FHOD3: variants seen among roughly 807,000 people sequenced by gnomAD.
FHOD3 encodes FH1/FH2 domain-containing protein 3.
Under a neutral mutation model 173.0 loss-of-function variants are expected in FHOD3, and 90 were observed. The observed-to-expected ratio is 0.52, with a 90% CI of 0.44 to 0.62. The LOEUF (loss-of-function observed/expected upper bound fraction) is 0.62, where lower values mean the gene tolerates loss of function less well. FHOD3 is among the 20% of genes least tolerant of loss of function. FHOD3 has a pLI of 0.00. For missense variants in FHOD3, 1,945 were observed against 2,034.7 expected, an observed-to-expected ratio of 0.96 and a Z score of 0.85; for synonymous variants, 828 against 823.0, an observed-to-expected ratio of 1.01 and a Z score of -0.10.
At chr18:36,758,521 G>A (rs2042728544) in intron 25 of FHOD3, among the ~76,000 whole-genome samples, 1 of 152,228 alleles carries the variant, frequency 6.6e-6, no homozygotes. Context: ...TGAGGAGAGA[G>A]TAATGTGAAC....
intron 8 of FHOD3, among the ~76,000 whole-genome samples, chr18:36,605,252 A>C (rs946712349): frequency 6.6e-6 from 1 of 152,216 alleles, no homozygotes; most frequent in Non-Finnish European, 1.5e-5. Flanking sequence ...GAATTTTCAC[A>C]CTGCCACAGT....
intron 20 of FHOD3, among the ~76,000 whole-genome samples, chr18:36,731,788 G>A (rs2041374737): frequency 6.6e-6 from 1 of 152,220 alleles, no homozygotes; most frequent in Non-Finnish European, 1.5e-5. Context: ...GAATGGGAGG[G>A]AGCAGTGGGC....
In FHOD3 at chr18:36,761,761, T is replaced by A. The variant is rs2042890778; in HGVS notation, c.4624+979T>A. 1.3e-5 allele frequency among the ~76,000 whole-genome samples: 2 copies of A among 152,198 alleles called. 1 individual carries two copies. The highest frequency in any genetic ancestry group is 6.8e-3 in the Middle Eastern group (2 of 294). On this transcript the variant is annotated intron_variant, in intron 27 of 28. Transcript: ENST00000590592. The stretch of plus-strand genomic sequence containing the variant: ...ATGGTCAACTTTAAGGAGAATCAAC[T>A]GTTGGAGACAGGCTTTCTTCTCTCG...
chr18:36,521,986 T>C (rs901824797), intron 5 of FHOD3, among the ~76,000 whole-genome samples: 1 of 152,228 alleles, frequency 6.6e-6, no homozygotes, highest in Non-Finnish European at 1.5e-5. Flanking sequence ...ATCCTTAGAT[T>C]GGAGTTCAGA....
chr18:36,380,572 C>CTT (rs1305461976), intron 3 of FHOD3, among the ~76,000 whole-genome samples: 2 of 119,014 alleles, frequency 1.7e-5, no homozygotes, highest in African/African-American at 6.4e-5. Context: ...CTTTTCTTTT[C>CTT]TTTTCTTTTC....
At position 36,760,771 on chromosome 18, in the gene FHOD3, G is replaced by A. The variant is rs1412269450; in HGVS notation, c.4613G>A (p.Arg1538Gln). 2.5e-6 allele frequency: 4 copies of A among 1,608,964 alleles called. No individual in the cohort carries two copies. The highest frequency in any genetic ancestry group is 2.5e-6 in the Non-Finnish European group (3 of 1,178,420). The stretch of plus-strand genomic sequence containing the variant: ...GCGCTGGGCGTCCGCACACGCAGCC[G>A]AGCAAGCCGAGGTAACTCCTGGCTG... Reference protein sequence around the residue: ...TPALGVRTRSRASRGSTSSWT... With the variant: ...TPALGVRTRSQASRGSTSSWT... The change falls in exon 27 of 29, where the codon CGA (arginine) becomes CAA (glutamine). Residue 1538 changes from arginine (R) to glutamine (Q), a missense_variant. By Grantham distance (43) the Arg-to-Gln change is conservative. Transcript: ENST00000590592.
intron 19 of FHOD3, among the ~76,000 whole-genome samples, chr18:36,723,129 G>A (rs990716314): frequency 2.0e-5 from 3 of 152,188 alleles, no homozygotes; most frequent in Non-Finnish European, 4.4e-5. Context: ...AGGGCATGGA[G>A]ACTCCCTTCC....
chr18:36,471,123 G>A (rs987020557), intron 3 of FHOD3, among the ~76,000 whole-genome samples: 10 of 152,308 alleles, frequency 6.6e-5, no homozygotes, highest in East Asian at 5.8e-4. Context: ...GCGGGTATGC[G>A]CTTTGGAGAG....
intron 3 of FHOD3, among the ~76,000 whole-genome samples, chr18:36,411,523 T>G (rs906307919): frequency 3.9e-5 from 6 of 152,218 alleles, no homozygotes; most frequent in African/African-American, 1.4e-4. Context: ...TCTAAACACC[T>G]TTTTGTTCCT....
intron 3 of FHOD3, among the ~76,000 whole-genome samples, chr18:36,403,605 A>G (rs986678799): frequency 1.3e-5 from 2 of 152,244 alleles, no homozygotes; most frequent in Non-Finnish European, 2.9e-5. Flanking sequence ...TCATAAAAAC[A>G]CTGGAGATTT....
chr18:36,551,173 G>T (rs1367198595), intron 5 of FHOD3, among the ~76,000 whole-genome samples: 1 of 152,076 alleles, frequency 6.6e-6, no homozygotes, highest in East Asian at 1.9e-4. Context: ...ATCATTTTTT[G>T]TTTGTTGATA....
chr18:36,473,432 C>T (rs1306989404), intron 3 of FHOD3, among the ~76,000 whole-genome samples: 1 of 152,146 alleles, frequency 6.6e-6, no homozygotes, highest in Admixed American at 6.6e-5. Context: ...AAACGAAATG[C>T]AGCACCTGAG....
intron 10 of FHOD3, among the ~76,000 whole-genome samples, chr18:36,628,159 T>C (rs2034253264): frequency 6.6e-6 from 1 of 152,216 alleles, no homozygotes; most frequent in Non-Finnish European, 1.5e-5. Flanking sequence ...ATCATTTGAA[T>C]TTAACTCTCA....
At position 36,594,888 on chromosome 18, in the gene FHOD3, C is replaced by T. The variant is rs202081458; in HGVS notation, c.708C>T (p.Asp236=). The T allele has an allele frequency of 6.9e-5, 111 of 1,611,736 alleles. No individual in the cohort carries two copies. The East Asian group carries it at 2.5e-3, about 36-fold the overall frequency. The part of the protein sequence containing the change: ...PLLIQAVTAV[D]TKRGVKPWSN... ...TAATTCAGGCTGTCACTGCTGTTGA[C>T]ACGAAAAGAGGTGAGTAGTCCCTGC... Residue 236 remains aspartate, a synonymous_variant, in exon 7 of 29, where the codon GAC becomes GAT. Transcript: ENST00000590592.
intron 11 of FHOD3, among the ~76,000 whole-genome samples, chr18:36,651,082 C>T (rs1281534943): frequency 6.6e-6 from 1 of 152,106 alleles, no homozygotes; most frequent in Non-Finnish European, 1.5e-5. Context: ...TTTCCCCTTC[C>T]TTCTGTTGGG....
intron 3 of FHOD3, among the ~76,000 whole-genome samples, chr18:36,421,554 C>CT (rs1421349567): frequency 1.3e-5 from 2 of 152,180 alleles, no homozygotes; most frequent in Non-Finnish European, 2.9e-5. Context: ...ATTGGCTTAA[C>CT]TTTTTTTCTC....
intron 1 of FHOD3, among the ~76,000 whole-genome samples, chr18:36,318,239 T>C (rs1330233787): frequency 7.4e-6 from 1 of 134,874 alleles, no homozygotes; most frequent in Non-Finnish European, 1.5e-5. Context: ...AAATTTAAAG[T>C]AGTTTTTTCC....
intron 3 of FHOD3, among the ~76,000 whole-genome samples, chr18:36,451,283 A>G (rs1738483215): frequency 6.6e-6 from 1 of 152,196 alleles, no homozygotes; most frequent in Admixed American, 6.5e-5. Flanking sequence ...AGACAGAACT[A>G]CTTGGTACAT....
At chr18:36,416,745 T>C (rs1275884492) in intron 3 of FHOD3, among the ~76,000 whole-genome samples, 1 of 152,146 alleles carries the variant, frequency 6.6e-6, no homozygotes, top group Non-Finnish European at 1.5e-5. Flanking sequence ...CAGGGTGATC[T>C]TTCTGAAATG....
Sources: allele counts gnomAD v4.1 joint callset (sites outside exome capture counted in the v4.1 genomes callset), GRCh38; gene constraint gnomAD v4.1.1; transcripts MANE v1.5; gene names NCBI Gene and HGNC (gene_info 2026-07-23, HGNC 2026-07-21).